Variants in RIT2 observed in about 807,000 individuals in gnomAD.
RIT2 encodes the protein Ras like without CAAX 2.
Under a neutral mutation model 23.7 loss-of-function variants are expected in RIT2, and 24 were observed. The observed-to-expected ratio is 1.01, with a 90% CI of 0.73 to 1.43. The LOEUF (loss-of-function observed/expected upper bound fraction) is 1.43, where lower values mean the gene tolerates loss of function less well. Among genes scored for constraint, RIT2 ranks in the 40% most tolerant of loss-of-function variants. The pLI is 0.00. For missense variants in RIT2, 236 were observed against 266.9 expected, an observed-to-expected ratio of 0.88 and a Z score of 0.81; for synonymous variants, 107 against 91.1, an observed-to-expected ratio of 1.17 and a Z score of -0.99.
intron 3 of RIT2, among the ~76,000 whole-genome samples, chr18:42,966,183 C>T (rs1018924097): frequency 1.3e-5 from 2 of 151,994 alleles, no homozygotes; most frequent in Non-Finnish European, 2.9e-5. Context: ...GAGTTTCTGC[C>T]GAGAACTATC....
intron 4 of RIT2, among the ~76,000 whole-genome samples, chr18:42,820,697 C>A (rs1269759674): frequency 2.6e-5 from 4 of 152,120 alleles, no homozygotes; most frequent in Non-Finnish European, 5.9e-5. Context: ...TTCTCTTTAT[C>A]CTTTCAGGTC....
chr18:42,969,687 T>C (rs933969974), intron 3 of RIT2, among the ~76,000 whole-genome samples: 6 of 151,198 alleles, frequency 4.0e-5, no homozygotes, highest in Non-Finnish European at 7.4e-5. Flanking sequence ...AAAAAAAAAA[T>C]TGAAGGTATT....
At chr18:42,835,054 G>C (rs1171606772) in intron 4 of RIT2, among the ~76,000 whole-genome samples, 1 of 152,064 alleles carries the variant, frequency 6.6e-6, no homozygotes, top group Non-Finnish European at 1.5e-5. Context: ...GAATCATACA[G>C]TTATAATCTG....
rs1911152646 is a variant in RIT2 at position 43,003,409 on chromosome 18, GA to G, written c.161-29263del. ...TTATTTTTCCGAGTGAAAACACAAA[GA>G]CGCTTACCTTAATTACAAACAGTAA... On this transcript the variant is annotated intron_variant, in intron 2 of 4. Coordinates refer to ENST00000326695, the MANE Select transcript of RIT2 (RefSeq NM_002930.4). 2.0e-5 allele frequency among the ~76,000 whole-genome samples: 3 copies of G among 151,986 alleles called. No homozygotes were observed. In the South Asian group the frequency reaches 6.2e-4, roughly 31 times the overall value.
chr18:42,969,812 A>C (rs1375635490), intron 3 of RIT2, among the ~76,000 whole-genome samples: 1 of 152,144 alleles, frequency 6.6e-6, no homozygotes, highest in Non-Finnish European at 1.5e-5. Context: ...TATTTTTAAA[A>C]TACTTTATCT....
At chr18:42,848,735 G>A (rs972565672) in intron 4 of RIT2, among the ~76,000 whole-genome samples, 2 of 151,940 alleles carry the variant, frequency 1.3e-5, no homozygotes, top group African/African-American at 2.4e-5. Context: ...TTTACAGAAA[G>A]CACATTGTGA....
At chr18:43,053,668 T>C (rs904678071) in intron 1 of RIT2, among the ~76,000 whole-genome samples, 2 of 152,162 alleles carry the variant, frequency 1.3e-5, no homozygotes, top group East Asian at 1.9e-4. Context: ...CTCGTATTCA[T>C]TGATTTGATT....
At chr18:42,898,252 A>T (rs1370123653) in intron 4 of RIT2, among the ~76,000 whole-genome samples, 1 of 152,050 alleles carries the variant, frequency 6.6e-6, no homozygotes, top group Non-Finnish European at 1.5e-5. Context: ...AAATTAGCTA[A>T]GCGTGGTGGC....
chr18:42,929,288 TC>T (rs1909268902), intron 3 of RIT2, among the ~76,000 whole-genome samples: 1 of 151,832 alleles, frequency 6.6e-6, no homozygotes, highest in Non-Finnish European at 1.5e-5. Flanking sequence ...GCAGACAACA[TC>T]CCCAGTGTCA....
At chr18:43,098,800 G>T (rs188072458) in intron 1 of RIT2, among the ~76,000 whole-genome samples, 26 of 152,120 alleles carry the variant, frequency 1.7e-4, no homozygotes, top group Admixed American at 3.3e-4. Context: ...ATATGCCCAT[G>T]ATCACAACAT....
At chr18:43,077,058 C>A (rs1212388243) in intron 1 of RIT2, among the ~76,000 whole-genome samples, 3 of 143,968 alleles carry the variant, frequency 2.1e-5, no homozygotes, top group African/African-American at 7.7e-5. Flanking sequence ...AGCCGAGATC[C>A]CGCCACTGCA....
Position 42,959,546 on chromosome 18 carries a change from T to C in RIT2, c.234+14528A>G, listed in dbSNP as rs548097250. Among the ~76,000 whole-genome samples the C allele has an allele frequency of 2.4e-4, 37 of 152,332 alleles. 1 individual carries two copies. In the South Asian group the frequency reaches 7.7e-3, roughly 32 times the overall value. On this transcript the variant is annotated intron_variant, in intron 3 of 4. Transcript: ENST00000326695. ...CATTTATCTTTCTCCTTTTTCAATT[T>C]ACATGTTAAAAGACTTCCATTCAAT...
chr18:42,946,419 C>T (rs1386460853), intron 3 of RIT2, among the ~76,000 whole-genome samples: 1 of 152,014 alleles, frequency 6.6e-6, no homozygotes, highest in African/African-American at 2.4e-5. Flanking sequence ...TTCTCGTGTT[C>T]AGGAGGCAGT....
intron 4 of RIT2, among the ~76,000 whole-genome samples, chr18:42,807,791 A>ATG (rs10551770): frequency 0.11 from 16,924 of 147,460 alleles, 1,328 homozygotes; most frequent in African/African-American, 0.23. Flanking sequence ...CACAAAGTGA[A>ATG]TGTGTGTGTG....
At chr18:42,902,655 A>T (rs1908507472) in intron 4 of RIT2, among the ~76,000 whole-genome samples, 1 of 151,766 alleles carries the variant, frequency 6.6e-6, no homozygotes, top group Admixed American at 6.6e-5. Context: ...ATTGTTTGTC[A>T]AGATAAAAAC....
intron 4 of RIT2, among the ~76,000 whole-genome samples, chr18:42,897,631 C>T (rs927888363): frequency 1.4e-4 from 21 of 151,412 alleles, no homozygotes; most frequent in Admixed American, 8.6e-4. Flanking sequence ...AGTTTCATGG[C>T]GGATGTAGTT....
In RIT2 at chr18:42,923,576, C is replaced by A. The variant is rs1162004248; in HGVS notation, c.422G>T (p.Arg141Leu). ...VGNKIDLEQFRQVSTEEGLSL... is the reference protein window; with the variant it reads ...VGNKIDLEQFLQVSTEEGLSL... ...CCAGATAAAATCGGCACTCACCTGGCGGAACTGTTCCAGATCAATTTTGTT... is the reference window on the plus strand; with the variant it reads ...CCAGATAAAATCGGCACTCACCTGGAGGAACTGTTCCAGATCAATTTTGTT... The change falls in exon 4 of 5, where the codon CGC (arginine) becomes CTC (leucine). Residue 141 changes from arginine to leucine, a missense_variant. Arg to Leu is a moderately radical substitution (Grantham distance 102). Transcript: ENST00000326695. 4.3e-6 allele frequency: 7 copies of A among 1,612,440 alleles called. No homozygotes were observed. Among genetic ancestry groups the A allele is most frequent in the Non-Finnish European group, 5.1e-6 (6 of 1,178,954 alleles).
chr18:42,928,518 G>A (rs755556158), intron 3 of RIT2, among the ~76,000 whole-genome samples: 7 of 152,028 alleles, frequency 4.6e-5, no homozygotes, highest in African/African-American at 1.7e-4. Context: ...TCTAAGACCT[G>A]CTTACCCTTC....
At chr18:42,969,612 C>A (rs1910315857) in intron 3 of RIT2, among the ~76,000 whole-genome samples, 1 of 151,180 alleles carries the variant, frequency 6.6e-6, no homozygotes, top group Non-Finnish European at 1.5e-5. Context: ...TTAATCCAGG[C>A]CAAAGCCAGG....
Sources: gnomAD v4.1 joint callset for allele counts (sites outside exome capture counted in the v4.1 genomes callset) on GRCh38, gnomAD v4.1.1 for gene constraint, MANE v1.5 for transcripts, NCBI Gene and HGNC (gene_info 2026-07-23, HGNC 2026-07-21) for gene names.